The following AP1G1 variants were observed in gnomAD, a reference collection of about 807,000 sequenced individuals.
AP1G1 encodes adaptor related protein complex 1 subunit gamma 1, also known as AP-1 complex subunit gamma-1.
In AP1G1, 7 loss-of-function variants were observed where a neutral mutation model predicts 108.3. The observed-to-expected ratio is 0.06, with a 90% CI of 0.04 to 0.12. The LOEUF is 0.12. AP1G1 is among the 10% of genes least tolerant of loss of function. The pLI is 1.00. For missense variants in AP1G1, 756 were observed against 1,010.7 expected, an observed-to-expected ratio of 0.75 and a Z score of 3.42; for synonymous variants, 379 against 353.5, an observed-to-expected ratio of 1.07 and a Z score of -0.81.
chr16:71,756,681 C>T (rs2030803807), intron 11 of AP1G1, among the ~76,000 whole-genome samples: 1 of 152,152 alleles, frequency 6.6e-6, no homozygotes, highest in South Asian at 2.1e-4. Context: ...GTGGCTCACA[C>T]CTGTTTTCTC....
chr16:71,769,030 C>T (rs1325538573), intron 6 of AP1G1, among the ~76,000 whole-genome samples: 1 of 134,378 alleles, frequency 7.4e-6, no homozygotes, highest in African/African-American at 2.7e-5. Flanking sequence ...CACCTGTAAT[C>T]CCAGCACTTT....
At chr16:71,736,547 A>ATTT (rs2045545467) in intron 21 of AP1G1, among the ~76,000 whole-genome samples, 2 of 129,352 alleles carry the variant, frequency 1.5e-5, no homozygotes, top group African/African-American at 6.0e-5. Context: ...CGCCCGGCTA[A>ATTT]TTTATTATTT....
intron 22 of AP1G1, 35 bp from the exon 23 acceptor site, chr16:71,733,194 TG>T: frequency 6.6e-7 from 1 of 1,516,576 alleles, no homozygotes; most frequent in Non-Finnish European, 9.1e-7. Flanking sequence ...AATTATATAC[TG>T]AAATGAAATC....
intron 2 of AP1G1, among the ~76,000 whole-genome samples, chr16:71,785,388 C>A (rs1043844300): frequency 6.6e-6 from 1 of 151,032 alleles, no homozygotes; most frequent in African/African-American, 2.4e-5. Context: ...CTAGTCTGGA[C>A]AACATGGTGA....
intron 1 of AP1G1, among the ~76,000 whole-genome samples, chr16:71,793,996 G>A (rs2032494911): frequency 6.6e-6 from 1 of 152,206 alleles, no homozygotes; most frequent in African/African-American, 2.4e-5. Context: ...GGGATTACAG[G>A]CATGAGCAAC....
chr16:71,772,153 C>T (rs749000687), intron 4 of AP1G1, among the ~76,000 whole-genome samples: 4 of 146,344 alleles, frequency 2.7e-5, no homozygotes, highest in East Asian at 4.0e-4. Context: ...TTTTTTGAGA[C>T]GGAGTCTCGC....
rs531091193 is a variant in AP1G1, at chr16:71,799,318, A to G, written c.-4+9445T>C. Among the ~76,000 whole-genome samples the G allele has an allele frequency of 2.8e-3, 420 of 152,332 alleles. 1 individual carries two copies. The highest frequency in any genetic ancestry group is 0.01 in the Middle Eastern group (3 of 294). On this transcript the variant is annotated intron_variant, in intron 1 of 22. Transcript: ENST00000299980. ...TGGAGACTACAGAAATAAAAGCATC[A>G]GCATATAAGGCGGCATGTACAAGGA...
chr16:71,743,090 A>T (rs2145422970), intron 19 of AP1G1: 1 of 152,348 alleles, frequency 6.6e-6, no homozygotes, highest in Admixed American at 6.5e-5. Context: ...ATATATATTA[A>T]CATGGAAATA....
At chr16:71,756,231 C>T in intron 11 of AP1G1, 72 bp from the exon 12 acceptor site, 2 of 1,408,008 alleles carry the variant, frequency 1.4e-6, no homozygotes, top group Non-Finnish European at 1.9e-6. Flanking sequence ...CAGGTATGCA[C>T]TCTGTGAACA....
At chr16:71,808,070 T>A (rs1183693858) in intron 1 of AP1G1, 22 of 1,177,632 alleles carry the variant, frequency 1.9e-5, no homozygotes, top group Non-Finnish European at 2.3e-5. Context: ...GGAAACACAA[T>A]CAACCGAACC....
intron 11 of AP1G1, among the ~76,000 whole-genome samples, chr16:71,756,719 A>G (rs189474228): frequency 2.8e-3 from 425 of 152,294 alleles, no homozygotes; most frequent in Non-Finnish European, 3.2e-3. Flanking sequence ...AGGCAGGCGA[A>G]TCACCTGAGG....
At chr16:71,764,792 G>A in intron 7 of AP1G1, 66 bp from the exon 8 acceptor site, 1 of 1,007,096 alleles carries the variant, frequency 9.9e-7, no homozygotes, top group Non-Finnish European at 1.5e-6. Context: ...CACTTGGTAT[G>A]AAATTCAAAT....
In AP1G1 at chr16:71,764,429, G is replaced by C. The variant is rs1289723988; in HGVS notation, c.839C>G (p.Thr280Ser). 2 of 1,608,220 alleles carry C rather than the reference G, an allele frequency of 1.2e-6. No homozygotes were observed. Among genetic ancestry groups the C allele is most frequent in the Admixed American group, 1.7e-5 (1 of 59,232 alleles). Residue 280 changes from threonine (T) to serine (S), a missense_variant, in exon 9 of 23, where the codon ACT becomes AGT. Physicochemically the swap from Thr to Ser is moderately conservative, Grantham distance 58. Transcript: ENST00000299980. ...AATAGCATTTCCTACATTTTTACTA[G>C]TCTCAGTATTAGTGGCAACCTGAAA... is the stretch of plus-strand genomic sequence containing the variant. ...ILAQVATNTE[T>S]SKNVGNAILY...
At chr16:71,806,140 C>G (rs1001828329) in intron 1 of AP1G1, among the ~76,000 whole-genome samples, 6 of 152,042 alleles carry the variant, frequency 3.9e-5, no homozygotes, top group African/African-American at 1.5e-4. Context: ...GAAATATCAC[C>G]AAGGCATTCC....
chr16:71,808,509 G>A (rs1309821340), intron 1 of AP1G1: 15 of 1,261,204 alleles, frequency 1.2e-5, no homozygotes, highest in African/African-American at 1.5e-5. Context: ...CCGTACCGGC[G>A]GGGCAACGCC....
At chr16:71,768,480 G>A (rs1471486839) in intron 6 of AP1G1, among the ~76,000 whole-genome samples, 1 of 110,660 alleles carries the variant, frequency 9.0e-6, no homozygotes, top group African/African-American at 3.6e-5. Flanking sequence ...CAGCCTGGGC[G>A]ACAGAGCCAG....
intron 21 of AP1G1, among the ~76,000 whole-genome samples, chr16:71,736,542 G>A (rs894434023): frequency 9.8e-5 from 14 of 143,078 alleles, no homozygotes; most frequent in Admixed American, 2.1e-4. Flanking sequence ...CACCACGCCC[G>A]GCTAATTTAT....
chr16:71,762,857 T>G (rs2031153110), intron 9 of AP1G1, among the ~76,000 whole-genome samples: 1 of 152,184 alleles, frequency 6.6e-6, no homozygotes, highest in Non-Finnish European at 1.5e-5. Flanking sequence ...TACAACTGGT[T>G]AGTCAGAAGC....
At chr16:71,805,345 G>C (rs771214589) in intron 1 of AP1G1, among the ~76,000 whole-genome samples, 1 of 152,032 alleles carries the variant, frequency 6.6e-6, no homozygotes, top group Non-Finnish European at 1.5e-5. Flanking sequence ...CTACTCGGGA[G>C]GCTGAGGCAG....
Sources: allele counts gnomAD v4.1 joint callset (sites outside exome capture counted in the v4.1 genomes callset), GRCh38; gene constraint gnomAD v4.1.1; transcripts MANE v1.5; gene names NCBI Gene and HGNC (gene_info 2026-07-23, HGNC 2026-07-21).